The following SPATA16 variants were observed in gnomAD, a reference collection of about 807,000 sequenced individuals.
The protein encoded by SPATA16 is spermatogenesis-associated protein 16.
A neutral mutation model predicts 63.3 loss-of-function variants in SPATA16; 36 were observed. The observed-to-expected ratio is 0.57, with a 90% CI of 0.44 to 0.75. The LOEUF (loss-of-function observed/expected upper bound fraction) is 0.75. SPATA16 is among the 30% of genes least tolerant of loss of function. The probability of loss-of-function intolerance (pLI) is 0.00; values close to 1 mark genes in which losing one functional copy is unlikely to be tolerated. For synonymous variants in SPATA16, 203 were observed against 216.7 expected (o/e 0.94, Z 0.56); for missense variants, 646 against 679.3 (o/e 0.95, Z 0.54).
chr3:172,906,641 A>G (rs1170888137), intron 10 of SPATA16, among the ~76,000 whole-genome samples: 2 of 152,222 alleles, frequency 1.3e-5, no homozygotes, highest in African/African-American at 4.8e-5. Context: ...TTTTATCAAG[A>G]AAGAGTTTAG....
Position 173,057,701 on chromosome 3 carries a change from G to A in SPATA16, c.613-8607C>T, listed in dbSNP as rs866740135. Among the ~76,000 whole-genome samples, 7 of 152,300 alleles carry A rather than the reference G, an allele frequency of 4.6e-5. No homozygotes were observed. The South Asian group carries it at 8.3e-4, about 18-fold the overall frequency. Reference sequence around the variant, plus strand: ...TTTAATCACGCACCAGAGCCACACAGTACCATTCAATGAACTAACTACAGA... The same window carrying A: ...TTTAATCACGCACCAGAGCCACACAATACCATTCAATGAACTAACTACAGA... On this transcript the variant is annotated intron_variant, in intron 2 of 10. Coordinates refer to ENST00000351008, the MANE Select transcript of SPATA16 (RefSeq NM_031955.6).
chr3:173,077,582 A>T (rs1237330938), intron 2 of SPATA16, among the ~76,000 whole-genome samples: 1 of 152,192 alleles, frequency 6.6e-6, no homozygotes, highest in East Asian at 1.9e-4. Flanking sequence ...AACAGAAAGA[A>T]GTACTTTTGC....
chr3:173,043,469 T>C (rs956919424), intron 3 of SPATA16, among the ~76,000 whole-genome samples: 2 of 151,956 alleles, frequency 1.3e-5, no homozygotes, highest in African/African-American at 4.8e-5. Context: ...ATATTTTACA[T>C]TGGCATGTGT....
intron 4 of SPATA16, among the ~76,000 whole-genome samples, chr3:172,995,031 G>T (rs1734664738): frequency 6.6e-6 from 1 of 152,042 alleles, no homozygotes; most frequent in Non-Finnish European, 1.5e-5. Context: ...AAAGATCTGA[G>T]AATGTAGACA....
chr3:172,957,045 C>G (rs1733613178), intron 5 of SPATA16, among the ~76,000 whole-genome samples: 1 of 152,020 alleles, frequency 6.6e-6, no homozygotes, highest in Admixed American at 6.6e-5. Flanking sequence ...AGTTTGTAAA[C>G]AGGCACCTCT....
intron 5 of SPATA16, among the ~76,000 whole-genome samples, chr3:172,960,064 G>T (rs1443451788): frequency 6.6e-6 from 1 of 151,624 alleles, no homozygotes; most frequent in Non-Finnish European, 1.5e-5. Flanking sequence ...AGAATGATTT[G>T]ATATAATCTT....
chr3:173,020,248 C>T (rs1029266443), intron 3 of SPATA16, among the ~76,000 whole-genome samples: 14 of 151,140 alleles, frequency 9.3e-5, no homozygotes, highest in South Asian at 2.1e-4. Context: ...AGTGAGATCG[C>T]GCCACTGCAC....
At chr3:172,979,836 A>C (rs766316333) in intron 4 of SPATA16, among the ~76,000 whole-genome samples, 6 of 152,244 alleles carry the variant, frequency 3.9e-5, no homozygotes, top group Non-Finnish European at 7.3e-5. Context: ...AAGTATTATA[A>C]GAGCAAAAGG....
intron 2 of SPATA16, among the ~76,000 whole-genome samples, chr3:173,068,821 A>C (rs1736589830): frequency 6.6e-6 from 1 of 151,660 alleles, no homozygotes; most frequent in Non-Finnish European, 1.5e-5. Flanking sequence ...ATTAGTAAAA[A>C]AAAAAAAGGC....
intron 10 of SPATA16, among the ~76,000 whole-genome samples, chr3:172,897,604 A>G (rs1732032718): frequency 6.6e-6 from 1 of 152,138 alleles, no homozygotes; most frequent in African/African-American, 2.4e-5. Context: ...TTATATAAAA[A>G]TACAACTGAG....
chr3:173,020,877 T>A (rs1309752460), intron 3 of SPATA16, among the ~76,000 whole-genome samples: 4 of 152,218 alleles, frequency 2.6e-5, no homozygotes, highest in African/African-American at 7.2e-5. Flanking sequence ...TTGATGGGAA[T>A]CACTTGGAAT....
At chr3:173,049,857 G>A (rs1736043348) in intron 2 of SPATA16, among the ~76,000 whole-genome samples, 1 of 152,116 alleles carries the variant, frequency 6.6e-6, no homozygotes, top group Non-Finnish European at 1.5e-5. Context: ...GGGAAGATCG[G>A]CACTTTTTTT....
intron 5 of SPATA16, among the ~76,000 whole-genome samples, chr3:172,968,878 A>C (rs1733979259): frequency 6.6e-6 from 1 of 152,252 alleles, no homozygotes; most frequent in South Asian, 2.1e-4. Flanking sequence ...CATATCATTA[A>C]AGAATGTATA....
At chr3:172,918,329 C>A (rs900332987) in intron 8 of SPATA16, among the ~76,000 whole-genome samples, 2 of 152,298 alleles carry the variant, frequency 1.3e-5, no homozygotes, top group Admixed American at 6.5e-5. Context: ...GGAACATAAT[C>A]TGTCAGTGTA....
At position 173,129,307 on chromosome 3, in the gene SPATA16, A is replaced by G. The variant is rs116471655; in HGVS notation, c.-18-11558T>C. On this transcript the variant is annotated intron_variant, in intron 1 of 10. Coordinates refer to ENST00000351008, the MANE Select transcript of SPATA16 (RefSeq NM_031955.6). ...TTTGGATTTGGAGAGATATGAGTTC[A>G]AATCCTAACTCTGTCTTTTCTTTGC... is the stretch of plus-strand genomic sequence containing the variant. 9.0e-3 allele frequency among the ~76,000 whole-genome samples: 1,364 copies of G among 152,340 alleles called. 20 individuals carry two copies. Among genetic ancestry groups the G allele is most frequent in the African/African-American group, 0.03 (1,266 of 41,576 alleles).
chr3:172,918,793 A>T (rs1004922691), intron 8 of SPATA16, among the ~76,000 whole-genome samples: 2 of 152,192 alleles, frequency 1.3e-5, no homozygotes, highest in Non-Finnish European at 2.9e-5. Context: ...GACTGAAGCT[A>T]AAACCTCACA....
intron 1 of SPATA16, among the ~76,000 whole-genome samples, chr3:173,128,552 G>A (rs1738288604): frequency 6.6e-6 from 1 of 152,176 alleles, no homozygotes; most frequent in Non-Finnish European, 1.5e-5. Context: ...TGTTTAGTAA[G>A]CAGAAGAGGG....
At chr3:173,078,097 A>G (rs1375974493) in intron 2 of SPATA16, among the ~76,000 whole-genome samples, 1 of 152,166 alleles carries the variant, frequency 6.6e-6, no homozygotes, top group Non-Finnish European at 1.5e-5. Flanking sequence ...CTTTACTTGT[A>G]TTACAATAGG....
At chr3:172,956,042 G>C (rs184966642) in intron 6 of SPATA16, among the ~76,000 whole-genome samples, 2 of 152,208 alleles carry the variant, frequency 1.3e-5, no homozygotes, top group Non-Finnish European at 2.9e-5. Flanking sequence ...TCATTGTTGA[G>C]TAGCTCCTAA....
Sources: gnomAD v4.1 joint callset for allele counts (sites outside exome capture counted in the v4.1 genomes callset) on GRCh38, gnomAD v4.1.1 for gene constraint, MANE v1.5 for transcripts, NCBI Gene and HGNC (gene_info 2026-07-23, HGNC 2026-07-21) for gene names.